Variants in DPP6 observed in about 807,000 individuals in gnomAD.
The protein encoded by DPP6 is A-type potassium channel modulatory protein DPP6.
In DPP6, 69 loss-of-function variants were observed where a neutral mutation model predicts 122.6. The ratio of observed to expected loss-of-function variants is 0.56; its 90% CI spans 0.46 to 0.69. DPP6 has a LOEUF of 0.69. Among genes scored for constraint, DPP6 ranks in the 30% least tolerant of loss-of-function variants. The pLI is 0.00. For synonymous variants in DPP6, 418 were observed against 433.1 expected (o/e 0.97, Z 0.43); for missense variants, 928 against 1,116.9 (o/e 0.83, Z 2.41).
intron 1 of DPP6, among the ~76,000 whole-genome samples, chr7:154,140,658 A>G (rs1336042470): frequency 6.6e-6 from 1 of 152,158 alleles, no homozygotes; most frequent in Non-Finnish European, 1.5e-5. Context: ...TCAGCTTATT[A>G]TAGAGCCAGT....
intron 2 of DPP6, among the ~76,000 whole-genome samples, chr7:154,466,252 G>A (rs563236455): frequency 6.6e-6 from 1 of 152,296 alleles, no homozygotes; most frequent in South Asian, 2.1e-4. Flanking sequence ...AATATCTAAT[G>A]TAGATGATGG....
intron 8 of DPP6, among the ~76,000 whole-genome samples, chr7:154,742,524 C>G (rs1313991867): frequency 6.6e-6 from 1 of 152,196 alleles, no homozygotes; most frequent in African/African-American, 2.4e-5. Flanking sequence ...GAGATAGGAC[C>G]AGATCATAGC....
chr7:154,187,919 T>C (rs2150758953), intron 1 of DPP6, among the ~76,000 whole-genome samples: 1 of 152,318 alleles, frequency 6.6e-6, no homozygotes, highest in South Asian at 2.1e-4. Flanking sequence ...GGGATATCAA[T>C]ACATGCTCAA....
intron 1 of DPP6, among the ~76,000 whole-genome samples, chr7:154,023,382 A>T (rs1011505291): frequency 2.0e-5 from 3 of 148,114 alleles, no homozygotes; most frequent in Non-Finnish European, 3.0e-5. Context: ...TGCATTCCCC[A>T]AATAATAATA....
chr7:154,006,740 T>C (rs1008137394), intron 1 of DPP6, among the ~76,000 whole-genome samples: 2 of 152,262 alleles, frequency 1.3e-5, no homozygotes, highest in African/African-American at 4.8e-5. Flanking sequence ...TAAGCTAATG[T>C]ACAGGGAGCA....
chr7:153,895,361 G>GA (rs1467297861), intron 1 of DPP6, among the ~76,000 whole-genome samples: 1 of 152,124 alleles, frequency 6.6e-6, no homozygotes, highest in East Asian at 1.9e-4. Context: ...CTCATGTGTC[G>GA]AATAAGGAAA....
At chr7:154,279,818 G>T (rs1384838474) in intron 1 of DPP6, among the ~76,000 whole-genome samples, 1 of 152,122 alleles carries the variant, frequency 6.6e-6, no homozygotes, top group Non-Finnish European at 1.5e-5. Context: ...TCTGGATTTA[G>T]CTCTAAATCA....
intron 8 of DPP6, among the ~76,000 whole-genome samples, chr7:154,752,609 C>T (rs578237146): frequency 6.6e-6 from 1 of 152,276 alleles, no homozygotes; most frequent in South Asian, 2.1e-4. Flanking sequence ...GAGGCCTCAC[C>T]CTTCTGGGAT....
intron 1 of DPP6, among the ~76,000 whole-genome samples, chr7:154,340,455 G>C (rs1809827261): frequency 1.3e-5 from 2 of 152,186 alleles, no homozygotes; most frequent in African/African-American, 4.8e-5. Context: ...TGGCCGTCTT[G>C]AAGGAAAGCC....
chr7:154,629,110 T>C (rs955272472), intron 5 of DPP6, among the ~76,000 whole-genome samples: 3 of 152,176 alleles, frequency 2.0e-5, no homozygotes, highest in African/African-American at 7.2e-5. Context: ...TGAAAGCAGA[T>C]TGTTTTCTGT....
chr7:154,334,694 G>C (rs114600696), intron 1 of DPP6, among the ~76,000 whole-genome samples: 2 of 152,128 alleles, frequency 1.3e-5, no homozygotes, highest in Non-Finnish European at 2.9e-5. Flanking sequence ...TCAGAAGTTC[G>C]AGATCAGTCT....
chr7:154,566,119 G>C (rs1029248237), intron 4 of DPP6, among the ~76,000 whole-genome samples: 1 of 152,216 alleles, frequency 6.6e-6, no homozygotes, highest in Non-Finnish European at 1.5e-5. Flanking sequence ...AAAAGAGCAA[G>C]TTGCAAAATA....
At chr7:154,008,498 C>T (rs1041006471) in intron 1 of DPP6, among the ~76,000 whole-genome samples, 1 of 152,162 alleles carries the variant, frequency 6.6e-6, no homozygotes, top group Admixed American at 6.5e-5. Flanking sequence ...TTGCTTAAAT[C>T]TTTTCTCATT....
chr7:154,419,311 T>C (rs1563637237), intron 1 of DPP6, among the ~76,000 whole-genome samples: 1 of 152,232 alleles, frequency 6.6e-6, no homozygotes, highest in Non-Finnish European at 1.5e-5. Context: ...TAGAGGCTTA[T>C]CATTTTAGAC....
chr7:153,995,772 T>A (rs1797402438), intron 1 of DPP6, among the ~76,000 whole-genome samples: 1 of 152,030 alleles, frequency 6.6e-6, no homozygotes, highest in East Asian at 1.9e-4. Flanking sequence ...TGAGAGGGAA[T>A]AAAAGCACCA....
intron 5 of DPP6, among the ~76,000 whole-genome samples, chr7:154,595,865 C>T (rs1833060568): frequency 6.6e-6 from 1 of 152,164 alleles, no homozygotes; most frequent in Non-Finnish European, 1.5e-5. Context: ...TTGAGACCAG[C>T]CTGGCCAACA....
intron 5 of DPP6, among the ~76,000 whole-genome samples, chr7:154,573,219 C>T (rs968394900): frequency 6.6e-5 from 10 of 152,148 alleles, no homozygotes; most frequent in Non-Finnish European, 1.2e-4. Context: ...TTCTGCTGGA[C>T]GAAGGCCTTG....
chr7:154,796,947 A>G (rs368205523), intron 12 of DPP6, among the ~76,000 whole-genome samples: 14 of 152,224 alleles, frequency 9.2e-5, no homozygotes, highest in African/African-American at 2.9e-4. Context: ...ACATGTCCCA[A>G]TTTGGGTGCC....
intron 3 of DPP6, among the ~76,000 whole-genome samples, chr7:154,492,825 C>T (rs982108768): frequency 1.8e-4 from 27 of 152,304 alleles, no homozygotes; most frequent in Non-Finnish European, 1.8e-4. Context: ...CTTGTTCTTC[C>T]TGTTTTTCCT....
Sources: allele counts gnomAD v4.1 joint callset (sites outside exome capture counted in the v4.1 genomes callset), GRCh38; gene constraint gnomAD v4.1.1; transcripts MANE v1.5; gene names NCBI Gene and HGNC (gene_info 2026-07-23, HGNC 2026-07-21).